The following MYH7B variants were observed in gnomAD, a reference collection of about 807,000 sequenced individuals.
MYH7B encodes the protein myosin heavy chain 7B.
Under a neutral mutation model 234.5 loss-of-function variants are expected in MYH7B, and 205 were observed. That is an observed-to-expected ratio of 0.87 (90% confidence interval 0.78 to 0.98). The LOEUF (loss-of-function observed/expected upper bound fraction) is 0.98, where lower values mean the gene tolerates loss of function less well. MYH7B is among the 50% of genes least tolerant of loss of function. MYH7B has a pLI of 0.00. For missense variants in MYH7B, 2,652 were observed against 2,633.4 expected (o/e 1.01, Z -0.15); for synonymous variants, 1,193 against 1,105.0 (o/e 1.08, Z -1.58).
exon 44 of MYH7B, chr20:35,002,026 A>C: frequency 6.2e-7 from 1 of 1,614,062 alleles, no homozygotes; most frequent in South Asian, 1.1e-5. Context: ...GCGGGCAGAC[A>C]TGGCGGAAAC....
At chr20:34,986,713 T>C (rs1012238756) in intron 14 of MYH7B, among the ~76,000 whole-genome samples, 173 bp from the exon 15 acceptor site, 4 of 152,142 alleles carry the variant, frequency 2.6e-5, no homozygotes, top group African/African-American at 7.2e-5. Flanking sequence ...CCCTCAGCCT[T>C]GGCAGGAGTG....
Position 34,993,439 on chromosome 20 carries a change from C to T in MYH7B, c.2413C>T (p.Arg805Cys), listed in dbSNP as rs151049878. ...GGCGCGGAGCCGTGGCCGCCTCATG[C>T]GCCTTGAGTACCAGCGCCTGCTGGG... is the stretch of plus-strand genomic sequence containing the variant. Residue 805 changes from arginine (R) to cysteine (C), a missense_variant, in exon 26 of 45, where the codon CGC (arginine) becomes TGC (cysteine). Transcript: ENST00000262873. 52 of 1,609,564 alleles carry T rather than the reference C, an allele frequency of 3.2e-5. No individual in the cohort carries two copies. Among genetic ancestry groups the T allele is most frequent in the Middle Eastern group, 1.7e-4 (1 of 5,948 alleles).
chr20:34,958,680 G>A (rs555696474), intron 2 of MYH7B, among the ~76,000 whole-genome samples: 165 of 152,130 alleles, frequency 1.1e-3, no homozygotes, highest in Non-Finnish European at 1.8e-3. Context: ...TGATCAGGCT[G>A]GTCTCAAACT....
intron 1 of MYH7B, among the ~76,000 whole-genome samples, 137 bp from the exon 2 acceptor site, chr20:34,957,961 G>A (rs1248973351): frequency 6.6e-6 from 1 of 152,238 alleles, no homozygotes; most frequent in Non-Finnish European, 1.5e-5. Flanking sequence ...TTGTACCTGA[G>A]GGGATAAGCA....
intron 2 of MYH7B, among the ~76,000 whole-genome samples, chr20:34,967,143 C>T (rs565783523): frequency 3.1e-4 from 47 of 151,714 alleles, no homozygotes; most frequent in Admixed American, 8.5e-4. Flanking sequence ...GCAGGAGAAT[C>T]GCTTGAACCC....
chr20:34,999,603 C>T, exon 37 of MYH7B: 1 of 1,613,156 alleles, frequency 6.2e-7, no homozygotes. Flanking sequence ...CCAGGTGAGT[C>T]TCAGTGGGAA....
At chr20:34,998,722 A>G (rs547731709) in exon 35 of MYH7B, 1 of 1,611,492 alleles carries the variant, frequency 6.2e-7, no homozygotes, top group African/African-American at 1.3e-5. Flanking sequence ...CCTGCAGGCC[A>G]AGAGTGCCCT....
chr20:34,966,638 G>A (rs1372448047), intron 2 of MYH7B, among the ~76,000 whole-genome samples: 4 of 152,182 alleles, frequency 2.6e-5, no homozygotes, highest in Non-Finnish European at 4.4e-5. Context: ...CTCACAACTA[G>A]TACATGTAAA....
At chr20:34,984,276 A>T (rs2081983109) in intron 10 of MYH7B, among the ~76,000 whole-genome samples, 1 of 152,252 alleles carries the variant, frequency 6.6e-6, no homozygotes, top group Admixed American at 6.5e-5. Flanking sequence ...AGGAAGGTTC[A>T]GACCAGGAAG....
rs747083169 is a variant in MYH7B at position 34,998,300 on chromosome 20, T to C, written c.3753T>C (p.Ser1251=). The stretch of plus-strand genomic sequence containing the variant: ...CTCCCAACCTGGGATCCTAGGCCAG[T>C]GCAGAGAAGCTGTGCCGGACCTATG... The change falls in exon 33 of 45, where the codon AGT becomes AGC. Residue 1251 remains serine, a synonymous_variant. Coordinates refer to ENST00000262873, the Ensembl canonical transcript of MYH7B. 1 of 1,613,924 alleles carries C rather than the reference T, an allele frequency of 6.2e-7. No homozygotes were observed. Among genetic ancestry groups the C allele is most frequent in the Non-Finnish European group, 8.5e-7 (1 of 1,180,014 alleles).
chr20:34,996,572 G>A, intron 29 of MYH7B, 41 bp from the exon 30 acceptor site: 4 of 1,603,014 alleles, frequency 2.5e-6, no homozygotes, highest in Non-Finnish European at 3.4e-6. Context: ...GGTGCCGGCT[G>A]GCTTGGGCCA....
chr20:34,992,087 G>A (rs1282543235), intron 24 of MYH7B, among the ~76,000 whole-genome samples: 1 of 152,168 alleles, frequency 6.6e-6, no homozygotes, highest in Non-Finnish European at 1.5e-5. Context: ...TTTTGCATTA[G>A]AATTTCCCCC....
At chr20:34,960,802 T>C (rs962353606) in intron 2 of MYH7B, among the ~76,000 whole-genome samples, 1 of 152,228 alleles carries the variant, frequency 6.6e-6, no homozygotes, top group African/African-American at 2.4e-5. Context: ...GTGAGGACTG[T>C]CCCAGGTGTT....
At chr20:34,999,750 T>TCCCCCCCCCC in intron 37 of MYH7B, 41 bp from the exon 38 acceptor site, 1 of 1,320,534 alleles carries the variant, frequency 7.6e-7, no homozygotes, top group South Asian at 1.4e-5. Flanking sequence ...CCACTGGCCA[T>TCCCCCCCCCC]CCCCCCCCCC....
At chr20:34,998,822 G>A (rs1324879662) in exon 35 of MYH7B, 15 of 1,613,110 alleles carry the variant, frequency 9.3e-6, no homozygotes, top group South Asian at 4.4e-5. Context: ...GAGCTGCAGC[G>A]GCTGCTGTCC....
intron 13 of MYH7B, among the ~76,000 whole-genome samples, chr20:34,985,822 C>A (rs1471118533): frequency 1.3e-5 from 2 of 152,122 alleles, no homozygotes; most frequent in African/African-American, 4.8e-5. Flanking sequence ...GACACACCAA[C>A]AGATAAAAAC....
At chr20:34,984,357 G>T (rs1358773860) in intron 10 of MYH7B, among the ~76,000 whole-genome samples, 1 of 152,172 alleles carries the variant, frequency 6.6e-6, no homozygotes, top group Admixed American at 6.5e-5. Flanking sequence ...GGGCTCTGGA[G>T]GGCCCTAGAT....
At chr20:34,972,113 G>A (rs754558090) in intron 2 of MYH7B, among the ~76,000 whole-genome samples, 4 of 152,150 alleles carry the variant, frequency 2.6e-5, no homozygotes, top group Admixed American at 2.0e-4. Flanking sequence ...CTTCCAAGCC[G>A]TTCAAGTGGT....
chr20:34,996,616 G>T lies in MYH7B; in HGVS notation c.3124G>T (p.Glu1042Ter). ...CCCTGCTGTGCCTGCTCTGCAGCTGGAATGCTCCCTGGAGCAGGAGAAGAA... is the reference window on the plus strand; with the variant it reads ...CCCTGCTGTGCCTGCTCTGCAGCTGTAATGCTCCCTGGAGCAGGAGAAGAA... Residue 1042 changes from glutamate to a stop codon, truncating the protein, a stop_gained, in exon 30 of 45, where the codon GAA becomes TAA. Coordinates refer to ENST00000262873, the Ensembl canonical transcript of MYH7B. LOFTEE classifies it high-confidence loss of function. 6.2e-7 allele frequency: 1 copy of T among 1,610,594 alleles called. No individual in the cohort carries two copies.
Sources: gnomAD v4.1 joint callset for allele counts (sites outside exome capture counted in the v4.1 genomes callset) on GRCh38, gnomAD v4.1.1 for gene constraint, MANE v1.5 for transcripts, NCBI Gene and HGNC (gene_info 2026-07-23, HGNC 2026-07-21) for gene names.